The following NR3C1 variants were observed in gnomAD, a reference collection of about 807,000 sequenced individuals.
The protein encoded by NR3C1 is nuclear receptor subfamily 3 group C member 1.
A neutral mutation model predicts 74.0 loss-of-function variants in NR3C1; 14 were observed. That is an observed-to-expected ratio of 0.19 (90% CI 0.12 to 0.30). The LOEUF is 0.30. NR3C1 is among the 10% of genes least tolerant of loss of function. The probability of loss-of-function intolerance (pLI) is 1.00; values close to 1 mark genes in which losing one functional copy is unlikely to be tolerated. For synonymous variants in NR3C1, 308 were observed against 332.5 expected (o/e 0.93, Z 0.80); for missense variants, 695 against 909.8 (o/e 0.76, Z 3.04).
intron 2 of NR3C1, among the ~76,000 whole-genome samples, chr5:143,369,711 A>G (rs1833922453): frequency 6.6e-6 from 1 of 152,264 alleles, no homozygotes; most frequent in African/African-American, 2.4e-5. Context: ...CCTGCAACAC[A>G]CAGAACAGCC....
At chr5:143,340,345 C>A (rs999101464) in intron 2 of NR3C1, among the ~76,000 whole-genome samples, 1 of 147,388 alleles carries the variant, frequency 6.8e-6, no homozygotes, top group Non-Finnish European at 1.5e-5. Context: ...ATAATCCCAG[C>A]AGGCTTTTTT....
intron 2 of NR3C1, among the ~76,000 whole-genome samples, chr5:143,381,066 AT>A (rs1836140360): frequency 1.3e-5 from 2 of 152,148 alleles, no homozygotes; most frequent in Admixed American, 6.5e-5. Context: ...CACCAAAAAA[AT>A]ATTAGAACAG....
At chr5:143,340,586 G>C (rs1022391037) in intron 2 of NR3C1, among the ~76,000 whole-genome samples, 3 of 147,708 alleles carry the variant, frequency 2.0e-5, no homozygotes, top group Admixed American at 1.4e-4. Context: ...GGGTTGAAGA[G>C]ATTCCCCTGC....
chr5:143,435,083 G>A, exon 1 of NR3C1: 1 of 985,420 alleles, frequency 1.0e-6, no homozygotes, highest in Non-Finnish European at 1.2e-6. Context: ...AACATGTGAG[G>A]TCTGATGCTG....
At chr5:143,386,788 C>T (rs1393919129) in intron 2 of NR3C1, among the ~76,000 whole-genome samples, 1 of 152,158 alleles carries the variant, frequency 6.6e-6, no homozygotes, top group Non-Finnish European at 1.5e-5. Flanking sequence ...ATAAGACTAT[C>T]CCTATAATGC....
intron 1 of NR3C1, chr5:143,434,420 C>G: frequency 2.3e-6 from 1 of 432,328 alleles, no homozygotes; most frequent in Non-Finnish European, 3.1e-6. Flanking sequence ...ACAACATCAG[C>G]CTTGTGATTG....
At chr5:143,343,197 G>T (rs1442086425) in intron 2 of NR3C1, among the ~76,000 whole-genome samples, 1 of 152,192 alleles carries the variant, frequency 6.6e-6, no homozygotes, top group Admixed American at 6.5e-5. Flanking sequence ...GCAATGCAGA[G>T]CCCAGAACTA....
At chr5:143,298,642 G>C (rs752781749) in intron 6 of NR3C1, 26 bp downstream of exon 6, 1 of 1,609,086 alleles carries the variant, frequency 6.2e-7, no homozygotes, top group South Asian at 1.1e-5. Context: ...TATGAATACA[G>C]GGAAAATGAC....
intron 1 of NR3C1, among the ~76,000 whole-genome samples, chr5:143,413,148 A>G (rs1040268023): frequency 6.6e-6 from 1 of 152,200 alleles, no homozygotes; most frequent in African/African-American, 2.4e-5. Flanking sequence ...ACAAGTCATT[A>G]TAGAACAATG....
rs1381441645 is a variant in NR3C1, at chr5:143,300,279, A to G, written c.1747+206T>C. 1.3e-5 allele frequency among the ~76,000 whole-genome samples: 2 copies of G among 152,240 alleles called. No homozygotes were observed. The highest frequency in any genetic ancestry group is 1.3e-4 in the Admixed American group (2 of 15,290). ...CCTATGTGAAATTACCATCCTGTGC[A>G]TAATGATTTGAAAAGCAGGGAGTAA... On this transcript the variant is annotated intron_variant, in intron 5 of 8. Coordinates refer to ENST00000394464, the MANE Select transcript of NR3C1 (RefSeq NM_000176.3). The surrounding 1 kb of genome is among the most constrained non-coding windows in gnomAD (Gnocchi z 5.2).
In NR3C1 at chr5:143,393,937, T is replaced by C. The variant is rs61751247; in HGVS notation, c.1184+5719A>G. On this transcript the variant is annotated intron_variant, in intron 2 of 8. Transcript: ENST00000394464. Reference sequence around the variant, plus strand: ...AAACTATGTCTTAAACACTGCATACTTATTGAACTCTCAAATTATTAGTTA... The same window carrying C: ...AAACTATGTCTTAAACACTGCATACCTATTGAACTCTCAAATTATTAGTTA... Among the ~76,000 whole-genome samples the C allele has an allele frequency of 1.9e-3, 292 of 152,206 alleles. 1 individual carries two copies. The highest frequency in any genetic ancestry group is 6.8e-3 in the Middle Eastern group (2 of 294).
At chr5:143,398,442 GA>G (rs1839650487) in intron 2 of NR3C1, among the ~76,000 whole-genome samples, 1 of 131,746 alleles carries the variant, frequency 7.6e-6, no homozygotes, top group Non-Finnish European at 1.6e-5. Context: ...TCCCTAACAA[GA>G]AAAGCTTCTT....
At chr5:143,423,435 A>G (rs758001283) in intron 1 of NR3C1, among the ~76,000 whole-genome samples, 13 of 152,160 alleles carry the variant, frequency 8.5e-5, no homozygotes, top group Non-Finnish European at 1.6e-4. Flanking sequence ...TGCTTCTATC[A>G]AAAAGACAGG....
rs1163644848 is a variant in NR3C1 at position 143,403,678 on chromosome 5, G to A, written c.-481C>T. ...GAGCGGGACCGAGCGGGGAGCGGGT[G>A]GAGGCGGCGCCACGGCGCGCACACA... On this transcript the variant is annotated 5_prime_UTR_variant, in exon 1 of 9. Coordinates refer to ENST00000394464, the MANE Select transcript of NR3C1 (RefSeq NM_000176.3). 21 of 985,438 alleles carry A rather than the reference G, an allele frequency of 2.1e-5. No homozygotes were observed. The highest frequency in any genetic ancestry group is 2.4e-5 in the Non-Finnish European group (20 of 830,064). The allele number at this position is 985,438 out of a possible 1,614,324, so 61.0% of individuals were successfully genotyped here.
At chr5:143,323,569 AC>A (rs1351047478) in intron 2 of NR3C1, among the ~76,000 whole-genome samples, 2 of 151,880 alleles carry the variant, frequency 1.3e-5, no homozygotes, top group African/African-American at 2.4e-5. Context: ...ATATCATTCC[AC>A]CCCTGGCCCC....
intron 2 of NR3C1, among the ~76,000 whole-genome samples, chr5:143,343,297 C>T (rs10482650): frequency 0.058 from 8,839 of 152,238 alleles, 337 homozygotes; most frequent in Middle Eastern, 0.14. Flanking sequence ...CCCTGGGTTT[C>T]GGCTCCCTCT....
intron 4 of NR3C1, among the ~76,000 whole-genome samples, chr5:143,302,907 A>G (rs556294401): frequency 9.9e-5 from 15 of 152,232 alleles, no homozygotes; most frequent in African/African-American, 3.4e-4. Flanking sequence ...GGAGCTCCAC[A>G]GAAGTGTTCA....
intron 7 of NR3C1, among the ~76,000 whole-genome samples, chr5:143,283,715 C>T (rs1813647524): frequency 6.6e-6 from 1 of 152,128 alleles, no homozygotes; most frequent in Non-Finnish European, 1.5e-5. Flanking sequence ...CATTACTCTT[C>T]AGAAAATGGT....
intron 2 of NR3C1, among the ~76,000 whole-genome samples, chr5:143,348,092 A>G (rs1403634444): frequency 6.6e-6 from 1 of 152,158 alleles, no homozygotes; most frequent in Non-Finnish European, 1.5e-5. Context: ...CTGGGCCTCC[A>G]AGGTTTCTTG....
Sources: allele counts gnomAD v4.1 joint callset (sites outside exome capture counted in the v4.1 genomes callset), GRCh38; gene constraint gnomAD v4.1.1; non-coding constraint Gnocchi (gnomAD v3.1); transcripts MANE v1.5; gene names NCBI Gene and HGNC (gene_info 2026-07-23, HGNC 2026-07-21).